The following CDK5RAP3 variants were observed in gnomAD, a reference collection of about 807,000 sequenced individuals.
CDK5RAP3 encodes the protein CDK5 regulatory subunit-associated protein 3.
In CDK5RAP3, 58 loss-of-function variants were observed where a neutral mutation model predicts 73.3. The observed-to-expected ratio is 0.79, with a 90% CI of 0.64 to 0.98. The LOEUF (loss-of-function observed/expected upper bound fraction) is 0.98. Among genes scored for constraint, CDK5RAP3 ranks in the 50% least tolerant of loss-of-function variants. The pLI is 0.00. For missense variants in CDK5RAP3, 525 were observed against 615.8 expected (o/e 0.85, Z 1.56); for synonymous variants, 224 against 247.5 (o/e 0.91, Z 0.89).
In CDK5RAP3 at chr17:47,974,707, C is replaced by T. The variant is rs996482645; in HGVS notation, c.334+259C>T. ...CGAGCAGGTGTGTGTGGGTCCTCCA[C>T]CACTCACCTCTTGGTTAGCGGGAGT... On this transcript the variant is annotated intron_variant, in intron 5 of 13. Coordinates refer to ENST00000338399, the MANE Select transcript of CDK5RAP3 (RefSeq NM_176096.3). The T allele has an allele frequency of 6.2e-5, 83 of 1,344,452 alleles. No homozygotes were observed. The South Asian group carries it at 1.2e-3, about 20-fold the overall frequency. The allele number at this position is 1,344,452 out of a possible 1,614,324, so 83.3% of individuals were successfully genotyped here.
In CDK5RAP3 at chr17:47,977,864, C is replaced by T. The variant is rs771956268; in HGVS notation, c.942C>T (p.Asp314=). Residue 314 remains aspartate, a synonymous_variant, in exon 10 of 14, where the codon GAC becomes GAT. Transcript: ENST00000338399. The part of the protein sequence containing the change: ...DPGGDGIDWG[D]DAVALQITVL... ...GAGGTGATGGGATAGACTGGGGAGA[C>T]GATGCTGTTGCTTTGCAGATCACAG... 25 of 1,614,000 alleles carry T rather than the reference C, an allele frequency of 1.5e-5. 1 individual carries two copies. The highest frequency in any genetic ancestry group is 1.7e-4 in the Middle Eastern group (1 of 6,060).
intron 4 of CDK5RAP3, 132 bp from the exon 5 acceptor site, chr17:47,974,268 T>C (rs1438636566): frequency 9.0e-6 from 8 of 886,318 alleles, no homozygotes; most frequent in Non-Finnish European, 1.3e-5. Context: ...CCAGCAGAGT[T>C]GAAAGAAGGA....
At position 47,976,752 on chromosome 17, in the gene CDK5RAP3, G is replaced by A; in HGVS notation, c.839G>A (p.Gly280Glu). 1 of 1,612,970 alleles carries A rather than the reference G, an allele frequency of 6.2e-7. No homozygotes were observed. The highest frequency in any genetic ancestry group is 1.1e-5 in the South Asian group (1 of 91,030). ...GDFGVEAVSE[G>E]TDSGISAEAA... ...TTTGGGGTAGAGGCAGTGTCTGAGG[G>A]GACTGACTCTGGCATCTCTGCCGAG... The change falls in exon 9 of 14, where the codon GGG becomes GAG. Residue 280 changes from glycine to glutamate, a missense_variant. This residue lies in a region of CDK5RAP3 where 409 missense variants were observed against 429.8 expected (regional missense o/e 0.95). Coordinates refer to ENST00000338399, the MANE Select transcript of CDK5RAP3 (RefSeq NM_176096.3).
At chr17:47,969,327 C>T (rs1263509266), upstream of CDK5RAP3, among the ~76,000 whole-genome samples, 3 of 151,888 alleles carry the variant, frequency 2.0e-5, no homozygotes, top group Non-Finnish European at 4.4e-5. Context: ...GAGGCTGAAG[C>T]GGGAGAATCA....
chr17:47,973,753 G>C, intron 3 of CDK5RAP3, 103 bp downstream of exon 3: 1 of 1,471,548 alleles, frequency 6.8e-7, no homozygotes, highest in South Asian at 1.2e-5. Context: ...GGCCTTTAGA[G>C]AGGGAGCGAT....
At chr17:47,970,631 T>C (rs1398687877), upstream of CDK5RAP3, 5 of 1,533,538 alleles carry the variant, frequency 3.3e-6, no homozygotes, top group Admixed American at 9.8e-5. Flanking sequence ...CCATGTCTAT[T>C]AGAGAAACTG....
upstream of CDK5RAP3, among the ~76,000 whole-genome samples, chr17:47,968,903 G>A (rs537115922): frequency 6.6e-5 from 10 of 151,990 alleles, no homozygotes; most frequent in Non-Finnish European, 1.5e-4. Context: ...GCCTGTCTCA[G>A]CCTCCCAAAA....
intron 10 of CDK5RAP3, 89 bp downstream of exon 10, chr17:47,977,999 G>C: frequency 1.1e-6 from 1 of 899,920 alleles, no homozygotes; most frequent in Non-Finnish European, 1.8e-6. Flanking sequence ...GCGCTAAGAT[G>C]AGGCTTCTTG....
chr17:47,971,964 C>T (rs1336808074), intron 2 of CDK5RAP3, among the ~76,000 whole-genome samples: 8 of 152,144 alleles, frequency 5.3e-5, no homozygotes, highest in Admixed American at 4.6e-4. Context: ...TATTGCACTC[C>T]AGCCTGGGCA....
Position 47,974,770 on chromosome 17 carries a change from C to T in CDK5RAP3, c.334+322C>T, listed in dbSNP as rs568190706. 5.8e-5 allele frequency: 61 copies of T among 1,056,662 alleles called. No individual in the cohort carries two copies. The African/African-American group carries it at 9.0e-4, about 16-fold the overall frequency. 65.5% of individuals were successfully genotyped at this position (1,056,662 alleles called of 1,614,324 possible). On this transcript the variant is annotated intron_variant, in intron 5 of 13. Transcript: ENST00000338399. ...CCCCCACCCCCGCACCCCCATTCTACACAAGGCAGAAGAGGCACGGGTTTT... is the reference window on the plus strand; with the variant it reads ...CCCCCACCCCCGCACCCCCATTCTATACAAGGCAGAAGAGGCACGGGTTTT...
upstream of CDK5RAP3, chr17:47,970,929 A>G (rs985731210): frequency 2.1e-6 from 3 of 1,450,086 alleles, no homozygotes; most frequent in African/African-American, 1.4e-5. Flanking sequence ...GGCTGTCTCC[A>G]TTCTCCCGCC....
chr17:47,968,849 C>G (rs2036214632), upstream of CDK5RAP3, among the ~76,000 whole-genome samples: 1 of 151,872 alleles, frequency 6.6e-6, no homozygotes, highest in African/African-American at 2.4e-5. Flanking sequence ...GGGATTTCAC[C>G]ATGTTGATCA....
At chr17:47,970,669 C>T, upstream of CDK5RAP3, 2 of 1,535,688 alleles carry the variant, frequency 1.3e-6, no homozygotes, top group Non-Finnish European at 1.7e-6. Context: ...TGACAAGTGC[C>T]ACAAGAGACC....
At chr17:47,975,114 C>A in intron 5 of CDK5RAP3, 45 bp from the exon 6 acceptor site, 1 of 1,613,810 alleles carries the variant, frequency 6.2e-7, no homozygotes, top group Non-Finnish European at 8.5e-7. Flanking sequence ...GCATGCCTGC[C>A]TCATGTGGGG....
chr17:47,977,360 A>AG (rs1320725880), intron 9 of CDK5RAP3, among the ~76,000 whole-genome samples: 7 of 151,964 alleles, frequency 4.6e-5, no homozygotes, highest in Non-Finnish European at 7.4e-5. Context: ...CATGTTAGCC[A>AG]GATGGTCTCG....
rs1212518491 is a variant in CDK5RAP3 at position 47,975,791 on chromosome 17, A to G, written c.654-78A>G. 6 of 1,601,766 alleles carry G rather than the reference A, an allele frequency of 3.7e-6. No individual in the cohort carries two copies. In the Admixed American group the frequency reaches 8.4e-5, roughly 22 times the overall value. On this transcript the variant is annotated intron_variant, in intron 7 of 13. Coordinates refer to ENST00000338399, the MANE Select transcript of CDK5RAP3 (RefSeq NM_176096.3). ...AACCTGTGGGGGCCTTGCCCATTTG[A>G]CCATGTGGCCCAGGCCAAAGCCCAG...
At chr17:47,968,508 T>C (rs1034136101), upstream of CDK5RAP3, among the ~76,000 whole-genome samples, 1 of 149,824 alleles carries the variant, frequency 6.7e-6, no homozygotes, top group African/African-American at 2.5e-5. Flanking sequence ...TTTGTTTGTT[T>C]GTTTGTTTTT....
intron 3 of CDK5RAP3, 60 bp downstream of exon 3, chr17:47,973,710 G>A: frequency 6.3e-7 from 1 of 1,590,060 alleles, no homozygotes; most frequent in South Asian, 1.1e-5. Flanking sequence ...TGTATCAGCT[G>A]AGCTACTCTC....
chr17:47,980,526 C>A, intron 11 of CDK5RAP3, 67 bp from the exon 12 acceptor site: 1 of 1,468,170 alleles, frequency 6.8e-7, no homozygotes, highest in South Asian at 1.1e-5. Context: ...CTTGGCCTCC[C>A]ACAGTGCTGG....
Sources: gnomAD v4.1 joint callset for allele counts (sites outside exome capture counted in the v4.1 genomes callset) on GRCh38, gnomAD v4.1.1 for gene constraint, gnomAD v4.1.1 regional missense constraint, MANE v1.5 for transcripts, NCBI Gene and HGNC (gene_info 2026-07-23, HGNC 2026-07-21) for gene names.